The following AKR1C8 variants were observed in gnomAD, a reference collection of about 807,000 sequenced individuals.
AKR1C8 encodes the protein aldo-keto reductase family 1 member C-like protein 1.
chr10:5,147,133 T>C, the AKR1C8 span, among the ~76,000 whole-genome samples: 3 of 152,064 alleles, frequency 2.0e-5, no homozygotes, highest in African/African-American at 7.2e-5. Context: ...TGACGTCAGA[T>C]GGTGAGATAG....
chr10:5,175,627 T>G, the AKR1C8 span, among the ~76,000 whole-genome samples: 2 of 152,204 alleles, frequency 1.3e-5, no homozygotes, highest in Non-Finnish European at 2.9e-5. Context: ...CCACATCCTC[T>G]CCAGCACCTG....
chr10:5,180,845 C>T, the AKR1C8 span, among the ~76,000 whole-genome samples: 12 of 152,302 alleles, frequency 7.9e-5, no homozygotes, highest in Admixed American at 2.0e-4. Flanking sequence ...CGGAAAAGCG[C>T]GGTATTAGGG....
chr10:5,150,375 A>G, the AKR1C8 span, among the ~76,000 whole-genome samples: 1 of 152,054 alleles, frequency 6.6e-6, no homozygotes, highest in South Asian at 2.1e-4. Context: ...CCATACACCA[A>G]TTTAACATAA....
At chr10:5,132,497 A>T in the AKR1C8 span, 18 of 1,098,414 alleles carry the variant, frequency 1.6e-5, no homozygotes, top group Non-Finnish European at 2.2e-5. Flanking sequence ...ATAAATTGGA[A>T]CCAATAAGCA....
chr10:5,182,453 C>G, the AKR1C8 span, among the ~76,000 whole-genome samples: 184 of 152,214 alleles, frequency 1.2e-3, 1 homozygote, highest in African/African-American at 4.3e-3. Context: ...GGCTCAAGAA[C>G]CCTATATTCT....
At chr10:5,159,828 G>A in the AKR1C8 span, 1 of 478,036 alleles carries the variant, frequency 2.1e-6, no homozygotes, top group Non-Finnish European at 4.3e-6. Flanking sequence ...TGATTAAGCA[G>A]GAAGTGTGTG....
At chr10:5,161,294 AG>A in the AKR1C8 span, among the ~76,000 whole-genome samples, 1 of 152,152 alleles carries the variant, frequency 6.6e-6, no homozygotes, top group African/African-American at 2.4e-5. Flanking sequence ...CAGTGTGTTT[AG>A]CCCCAGTTTA....
the AKR1C8 span, among the ~76,000 whole-genome samples, chr10:5,144,589 C>T: frequency 6.6e-6 from 1 of 151,872 alleles, no homozygotes; most frequent in East Asian, 1.9e-4. Flanking sequence ...AGGTCCTTCA[C>T]ATCCCTTGTA....
chr10:5,145,112 G>A, the AKR1C8 span, among the ~76,000 whole-genome samples: 25 of 152,116 alleles, frequency 1.6e-4, no homozygotes, highest in South Asian at 5.0e-3. Context: ...GGCCTTTTCT[G>A]CATCTATTGA....
the AKR1C8 span, among the ~76,000 whole-genome samples, chr10:5,153,158 TTTTG>T: frequency 4.8e-4 from 73 of 152,350 alleles, no homozygotes; most frequent in African/African-American, 1.6e-3. Flanking sequence ...AAAATTTTTA[TTTTG>T]TTTAATTTTT....
chr10:5,160,266 T>C, the AKR1C8 span, among the ~76,000 whole-genome samples: 5 of 152,096 alleles, frequency 3.3e-5, no homozygotes, highest in African/African-American at 1.2e-4. Context: ...ATACTACCTA[T>C]CTGGCTTGAG....
At chr10:5,141,476 A>G in the AKR1C8 span, among the ~76,000 whole-genome samples, 1 of 152,162 alleles carries the variant, frequency 6.6e-6, no homozygotes, top group Non-Finnish European at 1.5e-5. Context: ...AATTCTTTCC[A>G]GAAGGCTTTC....
the AKR1C8 span, among the ~76,000 whole-genome samples, chr10:5,131,446 T>C: frequency 1.8e-3 from 271 of 152,088 alleles, no homozygotes; most frequent in South Asian, 3.3e-3. Context: ...CAAAGGACTA[T>C]TGTCCAGAAT....
the AKR1C8 span, among the ~76,000 whole-genome samples, chr10:5,130,520 C>A: frequency 6.6e-6 from 1 of 151,810 alleles, no homozygotes; most frequent in African/African-American, 2.4e-5. Context: ...CATATACCTA[C>A]AAAACCCTAA....
chr10:5,152,251 A>C, the AKR1C8 span, among the ~76,000 whole-genome samples: 28 of 152,306 alleles, frequency 1.8e-4, no homozygotes, highest in South Asian at 4.1e-4. Flanking sequence ...CAGGTGTGCT[A>C]TAGTTTTTTG....
the AKR1C8 span, among the ~76,000 whole-genome samples, chr10:5,147,607 G>A: frequency 6.6e-6 from 1 of 152,106 alleles, no homozygotes; most frequent in African/African-American, 2.4e-5. Flanking sequence ...CAGCAAGGCA[G>A]ACGTTCAACC....
the AKR1C8 span, among the ~76,000 whole-genome samples, chr10:5,147,260 G>C: frequency 2.8e-4 from 42 of 152,238 alleles, no homozygotes; most frequent in Non-Finnish European, 4.4e-4. Context: ...CACTCATGAT[G>C]GATCTGTCCC....
At chr10:5,179,648 T>C in the AKR1C8 span, among the ~76,000 whole-genome samples, 2 of 80,202 alleles carry the variant, frequency 2.5e-5, no homozygotes, top group South Asian at 1.0e-3. Flanking sequence ...TTTCACATAG[T>C]CCCATATTTC....
At chr10:5,162,707 A>G in the AKR1C8 span, 1 of 359,452 alleles carries the variant, frequency 2.8e-6, no homozygotes, top group Non-Finnish European at 5.6e-6. Flanking sequence ...AATATTTCAG[A>G]GTAAGAAAGT....
Sources: gnomAD v4.1 joint callset for allele counts (sites outside exome capture counted in the v4.1 genomes callset) on GRCh38, gnomAD v4.1.1 for gene constraint, MANE v1.5 for transcripts, NCBI Gene and HGNC (gene_info 2026-07-23, HGNC 2026-07-21) for gene names.